ENTREP2: variants seen among roughly 807,000 people sequenced by gnomAD.
ENTREP2 encodes protein ENTREP2.
chr15:29,279,652 C>A, the ENTREP2 span, among the ~76,000 whole-genome samples: 1 of 152,072 alleles, frequency 6.6e-6, no homozygotes, highest in African/African-American at 2.4e-5. Flanking sequence ...CATGAGCCAC[C>A]GCGCCTGGCC....
the ENTREP2 span, among the ~76,000 whole-genome samples, chr15:29,226,218 C>G: frequency 1.2e-4 from 19 of 152,152 alleles, no homozygotes; most frequent in African/African-American, 4.6e-4. Context: ...TTCTATGGAA[C>G]CACTGTTACC....
chr15:29,294,697 C>T, the ENTREP2 span, among the ~76,000 whole-genome samples: 7 of 152,134 alleles, frequency 4.6e-5, no homozygotes, highest in South Asian at 4.1e-4. Context: ...GATATTAAAA[C>T]GCCGTGACTT....
At chr15:29,230,699 A>C in the ENTREP2 span, among the ~76,000 whole-genome samples, 1 of 152,176 alleles carries the variant, frequency 6.6e-6, no homozygotes, top group Admixed American at 6.5e-5. Flanking sequence ...AGGGATCTGA[A>C]AGGGAAAGGA....
the ENTREP2 span, among the ~76,000 whole-genome samples, chr15:29,384,075 C>T: frequency 6.6e-6 from 1 of 152,156 alleles, no homozygotes; most frequent in East Asian, 1.9e-4. Context: ...AAACCTCTCT[C>T]TTGCCTTCTG....
the ENTREP2 span, among the ~76,000 whole-genome samples, chr15:29,187,252 G>A: frequency 5.9e-5 from 9 of 152,120 alleles, no homozygotes; most frequent in East Asian, 1.7e-3. Context: ...CACTGTCACT[G>A]TCTGTTTTTC....
chr15:29,174,646 C>T, the ENTREP2 span, among the ~76,000 whole-genome samples: 1,023 of 150,642 alleles, frequency 6.8e-3, 12 homozygotes, highest in South Asian at 0.043. Context: ...GCTGAGATCG[C>T]GCCACTGCGC....
the ENTREP2 span, among the ~76,000 whole-genome samples, chr15:29,287,402 A>G: frequency 1.3e-5 from 2 of 151,504 alleles, no homozygotes; most frequent in Non-Finnish European, 2.9e-5. Context: ...AAAAAAGAAA[A>G]AAAAAAAAAG....
the ENTREP2 span, among the ~76,000 whole-genome samples, chr15:29,312,368 G>T: frequency 4.6e-5 from 7 of 151,566 alleles, no homozygotes; most frequent in Middle Eastern, 3.2e-3. Context: ...TAATAAGAAA[G>T]CTGGTTGTAT....
the ENTREP2 span, among the ~76,000 whole-genome samples, chr15:29,222,765 G>A: frequency 6.6e-6 from 1 of 152,220 alleles, no homozygotes; most frequent in Non-Finnish European, 1.5e-5. Flanking sequence ...GCTCCCTCAC[G>A]CTCACCCCAC....
chr15:29,671,329 T>C, the ENTREP2 span, among the ~76,000 whole-genome samples: 1 of 152,168 alleles, frequency 6.6e-6, no homozygotes, highest in South Asian at 2.1e-4. Flanking sequence ...TCTAGCCAAT[T>C]ATTGACCTGA....
chr15:29,256,187 C>T, the ENTREP2 span, among the ~76,000 whole-genome samples: 1,970 of 152,090 alleles, frequency 0.013, 46 homozygotes, highest in African/African-American at 0.046. Flanking sequence ...GGACTCCAAC[C>T]GGAGGTTGGG....
At chr15:29,155,984 C>G in the ENTREP2 span, among the ~76,000 whole-genome samples, 1 of 152,116 alleles carries the variant, frequency 6.6e-6, no homozygotes, top group African/African-American at 2.4e-5. Context: ...CCTCCCTGCT[C>G]CTACAGCTGC....
the ENTREP2 span, among the ~76,000 whole-genome samples, chr15:29,454,575 A>G: frequency 3.9e-5 from 6 of 152,330 alleles, no homozygotes; most frequent in South Asian, 1.2e-3. Flanking sequence ...ATGAGAATGC[A>G]TTTAATCCAT....
At chr15:29,473,844 A>C in the ENTREP2 span, among the ~76,000 whole-genome samples, 1 of 152,170 alleles carries the variant, frequency 6.6e-6, no homozygotes, top group African/African-American at 2.4e-5. Context: ...CTGCTGCTCT[A>C]GCACTCATTC....
At chr15:29,486,563 C>A in the ENTREP2 span, among the ~76,000 whole-genome samples, 1 of 152,044 alleles carries the variant, frequency 6.6e-6, no homozygotes, top group Non-Finnish European at 1.5e-5. Context: ...TGGTGGCGTG[C>A]GCCTGTAATC....
At chr15:29,511,388 G>T in the ENTREP2 span, among the ~76,000 whole-genome samples, 1 of 150,700 alleles carries the variant, frequency 6.6e-6, no homozygotes, top group African/African-American at 2.4e-5. Flanking sequence ...TTGCCCAGTG[G>T]CGTGATCTTA....
the ENTREP2 span, among the ~76,000 whole-genome samples, chr15:29,231,885 C>CTTTTTTTTTTTTTTTTTTTTTTTTT: frequency 7.7e-6 from 1 of 129,952 alleles, no homozygotes; most frequent in Non-Finnish European, 1.6e-5. Context: ...GTTTTCTTTT[C>CTTTTTTTTTTTTTTTTTTTTTTTTT]TTTTCTTTCT....
the ENTREP2 span, among the ~76,000 whole-genome samples, chr15:29,146,511 T>A: frequency 6.6e-6 from 1 of 152,198 alleles, no homozygotes; most frequent in Non-Finnish European, 1.5e-5. Context: ...CTATGGTCAA[T>A]TGAGTCTGAC....
chr15:29,234,870 G>A, the ENTREP2 span: 28 of 1,458,550 alleles, frequency 1.9e-5, 1 homozygote, highest in African/African-American at 9.8e-5. Flanking sequence ...TGCCCCGAAC[G>A]AATTGTTGTC....
Sources: allele counts gnomAD v4.1 joint callset (sites outside exome capture counted in the v4.1 genomes callset), GRCh38; gene constraint gnomAD v4.1.1; transcripts MANE v1.5; gene names NCBI Gene and HGNC (gene_info 2026-07-23, HGNC 2026-07-21).